Variants in VTCN1 observed in about 807,000 individuals in gnomAD.
The protein encoded by VTCN1 is V-set domain containing T cell activation inhibitor 1, also known as V-set domain-containing T-cell activation inhibitor 1.
Under a neutral mutation model 26.5 loss-of-function variants are expected in VTCN1, and 26 were observed. That is an observed-to-expected ratio of 0.98 (90% CI 0.72 to 1.36). The LOEUF (loss-of-function observed/expected upper bound fraction) is 1.36, where lower values mean the gene tolerates loss of function less well. Among genes scored for constraint, VTCN1 ranks in the 40% most tolerant of loss-of-function variants. The pLI is 0.00. For missense variants in VTCN1, 298 were observed against 337.7 expected (o/e 0.88, Z 0.92); for synonymous variants, 116 against 130.7 (o/e 0.89, Z 0.77).
intron 1 of VTCN1, among the ~76,000 whole-genome samples, chr1:117,182,117 A>G (rs1570971814): frequency 6.6e-6 from 1 of 152,126 alleles, no homozygotes. Flanking sequence ...AAGTACGTCT[A>G]TTGCCCTCAG....
Position 117,153,997 on chromosome 1 carries a change from C to T in VTCN1, c.446-628G>A, listed in dbSNP as rs868596064. On this transcript the variant is annotated intron_variant, in intron 3 of 5. Transcript: ENST00000369458. ...TTGAAATTAAGACTTAGCTTCCCCC[C>T]ATATCCAGGCAGAGAGACAGTTGTG... is the stretch of plus-strand genomic sequence containing the variant. 2.4e-4 allele frequency among the ~76,000 whole-genome samples: 36 copies of T among 152,282 alleles called. No individual in the cohort carries two copies. In the Middle Eastern group the frequency reaches 0.014, roughly 58 times the overall value.
At chr1:117,185,185 C>T (rs1013999393) in intron 1 of VTCN1, among the ~76,000 whole-genome samples, 15 of 152,106 alleles carry the variant, frequency 9.9e-5, no homozygotes, top group Non-Finnish European at 2.1e-4. Flanking sequence ...CAGTCAAATA[C>T]AACAGTTCCA....
chr1:117,179,498 G>T (rs959564186), intron 1 of VTCN1, among the ~76,000 whole-genome samples: 9 of 152,216 alleles, frequency 5.9e-5, no homozygotes, highest in African/African-American at 2.2e-4. Flanking sequence ...CTGAGTGAAA[G>T]TTCTAGGAGA....
chr1:117,210,689 C>T, intron 1 of VTCN1, 135 bp downstream of exon 1: 1 of 918,494 alleles, frequency 1.1e-6, no homozygotes, highest in East Asian at 2.5e-5. Context: ...TGGCCAGGCT[C>T]CCGCTGGCCC....
At chr1:117,156,993 G>A (rs1301229655) in intron 2 of VTCN1, 72 bp from the exon 3 acceptor site, 2 of 1,609,516 alleles carry the variant, frequency 1.2e-6, no homozygotes, top group Non-Finnish European at 8.5e-7. Flanking sequence ...CTTCATTGCT[G>A]AAAGCCAGAC....
intron 4 of VTCN1, 27 bp downstream of exon 4, chr1:117,153,064 T>C (rs1651875445): frequency 6.3e-7 from 1 of 1,587,922 alleles, no homozygotes; most frequent in Non-Finnish European, 8.6e-7. Context: ...CCCCAGTAAA[T>C]CCATACAAAA....
At chr1:117,154,848 A>G (rs951825184) in intron 3 of VTCN1, among the ~76,000 whole-genome samples, 2 of 151,868 alleles carry the variant, frequency 1.3e-5, no homozygotes, top group Non-Finnish European at 1.5e-5. Context: ...CGCCAATGGT[A>G]TATTACTATC....
rs1003474081 is a variant in VTCN1, at chr1:117,153,295, A to G, written c.520T>C (p.Phe174Leu). The G allele has an allele frequency of 1.2e-6, 2 of 1,613,914 alleles. No homozygotes were observed. Among genetic ancestry groups the G allele is most frequent in the South Asian group, 1.1e-5 (1 of 91,064 alleles). Residue 174 changes from phenylalanine to leucine, a missense_variant, in exon 4 of 6, where the codon TTC becomes CTC. Transcript: ENST00000369458. ...ETLRCEAPRW[F>L]PQPTVVWASQ... Reference sequence around the variant, plus strand: ...GCCCAGACCACTGTGGGCTGGGGGAACCATCGGGGAGCCTCACACCGCAAG... The same window carrying G: ...GCCCAGACCACTGTGGGCTGGGGGAGCCATCGGGGAGCCTCACACCGCAAG...
intron 4 of VTCN1, among the ~76,000 whole-genome samples, chr1:117,152,611 T>C (rs2101447430): frequency 6.6e-6 from 1 of 152,306 alleles, no homozygotes; most frequent in African/African-American, 2.4e-5. Flanking sequence ...GTCAGTCTCA[T>C]GAGGGATGAA....
At chr1:117,187,784 G>A (rs1570977812) in intron 1 of VTCN1, among the ~76,000 whole-genome samples, 1 of 151,766 alleles carries the variant, frequency 6.6e-6, no homozygotes, top group Admixed American at 6.6e-5. Flanking sequence ...CCAAAGTGAG[G>A]TGCCACATCA....
chr1:117,206,381 G>T (rs1233457486), intron 1 of VTCN1, among the ~76,000 whole-genome samples: 11 of 152,158 alleles, frequency 7.2e-5, no homozygotes, highest in Admixed American at 7.2e-4. Context: ...TGCAAGTAAT[G>T]AGTATAGCAA....
In VTCN1 at chr1:117,210,875, C is replaced by T. The variant is rs760568086; in HGVS notation, c.-20G>A. 8 of 1,614,036 alleles carry T rather than the reference C, an allele frequency of 5.0e-6. No homozygotes were observed. Among genetic ancestry groups the T allele is most frequent in the East Asian group, 2.2e-5 (1 of 44,876 alleles). ...AGCCATGGCTGGGGAAGGTTCCCAG[C>T]GTATCTGGGTACTGGCTGAGTGGAG... is the stretch of plus-strand genomic sequence containing the variant. On this transcript the variant is annotated 5_prime_UTR_variant, in exon 1 of 6. Coordinates refer to ENST00000369458, the MANE Select transcript of VTCN1 (RefSeq NM_024626.4).
chr1:117,183,206 G>GCCA lies in VTCN1; in HGVS notation c.33-13038_33-13036dup, dbSNP rs1439905656. Among the ~76,000 whole-genome samples, 3 of 152,164 alleles carry GCCA rather than the reference G, an allele frequency of 2.0e-5. No homozygotes were observed. The highest frequency in any genetic ancestry group is 4.4e-5 in the Non-Finnish European group (3 of 68,010). On this transcript the variant is annotated intron_variant, in intron 1 of 5. Coordinates refer to ENST00000369458, the MANE Select transcript of VTCN1 (RefSeq NM_024626.4). The surrounding 1 kb of genome is among the most constrained non-coding windows in gnomAD (Gnocchi z 4.1). The stretch of plus-strand genomic sequence containing the variant: ...TAAACCACTCTGGGTCCCTGACTAC[G>GCCA]CCAGGCTGCTTCTTGCCTCCATGCC...
intron 1 of VTCN1, among the ~76,000 whole-genome samples, chr1:117,172,236 C>T (rs1652957201): frequency 6.6e-6 from 1 of 152,230 alleles, no homozygotes; most frequent in African/African-American, 2.4e-5. Flanking sequence ...TCATTGTTCC[C>T]AGCCTCCTAT....
chr1:117,158,090 G>A (rs988547550), intron 2 of VTCN1, among the ~76,000 whole-genome samples: 4 of 152,198 alleles, frequency 2.6e-5, no homozygotes, highest in Non-Finnish European at 5.9e-5. Context: ...GCTTTCATAG[G>A]CTGGCATTGA....
intron 1 of VTCN1, among the ~76,000 whole-genome samples, chr1:117,201,478 C>A (rs1315799380): frequency 6.6e-6 from 1 of 152,182 alleles, no homozygotes; most frequent in Non-Finnish European, 1.5e-5. Flanking sequence ...ATCCTGATCT[C>A]CCCCTTTCCC....
chr1:117,200,756 T>A (rs1648746978), intron 1 of VTCN1, among the ~76,000 whole-genome samples: 1 of 152,172 alleles, frequency 6.6e-6, no homozygotes, highest in Non-Finnish European at 1.5e-5. Context: ...TGGATTCCAG[T>A]GTTTTAGATG....
chr1:117,154,455 T>C (rs1651960053), intron 3 of VTCN1, among the ~76,000 whole-genome samples: 1 of 152,214 alleles, frequency 6.6e-6, no homozygotes, highest in Non-Finnish European at 1.5e-5. Context: ...TTTCCTCTAA[T>C]GTCAACATCT....
intron 1 of VTCN1, among the ~76,000 whole-genome samples, chr1:117,200,594 T>C (rs1177876039): frequency 6.6e-6 from 1 of 152,180 alleles, no homozygotes; most frequent in Non-Finnish European, 1.5e-5. Context: ...CCCGCCTACA[T>C]AGATCCCCAA....
Sources: gnomAD v4.1 joint callset for allele counts (sites outside exome capture counted in the v4.1 genomes callset) on GRCh38, gnomAD v4.1.1 for gene constraint, Gnocchi (gnomAD v3.1) non-coding constraint, MANE v1.5 for transcripts, NCBI Gene and HGNC (gene_info 2026-07-23, HGNC 2026-07-21) for gene names.